DEFB110: variants seen among roughly 807,000 people sequenced by gnomAD.
DEFB110 encodes the protein defensin beta 110, also known as beta-defensin 110.
In DEFB110, 4 loss-of-function variants were observed where a neutral mutation model predicts 2.5. The observed-to-expected ratio is 1.60, with a 90% confidence interval of 0.79 to 3.66. The LOEUF (loss-of-function observed/expected upper bound fraction) is 3.66. Among genes scored for constraint, DEFB110 ranks in the 30% most tolerant of loss-of-function variants. The pLI, the probability that DEFB110 is intolerant of heterozygous loss-of-function variation, is 0.01. For missense variants in DEFB110, 94 were observed against 75.4 expected (o/e 1.25, Z -0.91); for synonymous variants, 29 against 21.8 (o/e 1.33, Z -0.92).
chr6:50,011,420 A>T (rs1280691525), intron 1 of DEFB110, among the ~76,000 whole-genome samples: 2 of 152,044 alleles, frequency 1.3e-5, no homozygotes, highest in African/African-American at 4.8e-5. Flanking sequence ...ATAAAAAGAG[A>T]CATTCAAATG....
At chr6:50,019,559 G>T (rs919277092) in intron 1 of DEFB110, among the ~76,000 whole-genome samples, 2 of 151,982 alleles carry the variant, frequency 1.3e-5, no homozygotes, top group African/African-American at 4.8e-5. Flanking sequence ...TCTCTAAAAT[G>T]TCAAGAGCTA....
downstream of DEFB110, among the ~76,000 whole-genome samples, chr6:50,016,961 T>G (rs1394423673): frequency 6.6e-6 from 1 of 151,652 alleles, no homozygotes; most frequent in East Asian, 1.9e-4. Flanking sequence ...CCTCACATGT[T>G]TTTTAGAAAA....
At chr6:50,010,284 TA>T (rs1252051354) in intron 1 of DEFB110, among the ~76,000 whole-genome samples, 2 of 151,944 alleles carry the variant, frequency 1.3e-5, no homozygotes, top group Admixed American at 1.3e-4. Context: ...AATTATGTAA[TA>T]TCTGTTAATA....
chr6:50,012,438 T>G (rs113481276), intron 1 of DEFB110, among the ~76,000 whole-genome samples: 4,973 of 152,030 alleles, frequency 0.033, 276 homozygotes, highest in African/African-American at 0.11. Context: ...ATTCATATTA[T>G]ATAATAAAAA....
At chr6:50,013,818 G>T (rs116486921) in intron 1 of DEFB110, among the ~76,000 whole-genome samples, 1 of 151,908 alleles carries the variant, frequency 6.6e-6, no homozygotes, top group Non-Finnish European at 1.5e-5. Flanking sequence ...ATTACGAAAT[G>T]ACAATGTTTT....
At position 50,009,563 on chromosome 6, in the gene DEFB110, A is replaced by G. The variant is rs577708178; in HGVS notation, c.56-292T>C. ...ACGAGAAAGTGACACACAATTTGGTACTTAATTATATGTATTTTTGTCAGA... is the reference window on the plus strand; with the variant it reads ...ACGAGAAAGTGACACACAATTTGGTGCTTAATTATATGTATTTTTGTCAGA... On this transcript the variant is annotated intron_variant, in intron 1 of 1. Coordinates refer to the DEFB110 transcript ENST00000393660. Among the ~76,000 whole-genome samples, 6 of 152,328 alleles carry G rather than the reference A, an allele frequency of 3.9e-5. No homozygotes were observed. The South Asian group carries it at 1.2e-3, about 32-fold the overall frequency.
chr6:50,017,370 T>C (rs1774336098), downstream of DEFB110, among the ~76,000 whole-genome samples: 1 of 151,862 alleles, frequency 6.6e-6, no homozygotes, highest in Non-Finnish European at 1.5e-5. Flanking sequence ...TTTGTGAGAA[T>C]GGGTGCTTGA....
At chr6:50,017,862 A>AT (rs1368471914), downstream of DEFB110, among the ~76,000 whole-genome samples, 1 of 151,886 alleles carries the variant, frequency 6.6e-6, no homozygotes, top group Non-Finnish European at 1.5e-5. Context: ...TTTTTGATTT[A>AT]CCATCTCCTT....
downstream of DEFB110, among the ~76,000 whole-genome samples, chr6:50,017,226 A>G (rs1194835537): frequency 6.6e-6 from 1 of 151,912 alleles, no homozygotes; most frequent in Admixed American, 6.6e-5. Flanking sequence ...AGCCAGCAAT[A>G]TATCACATCT....
downstream of DEFB110, among the ~76,000 whole-genome samples, chr6:50,017,050 C>A (rs967303483): frequency 6.6e-6 from 1 of 151,614 alleles, no homozygotes; most frequent in African/African-American, 2.4e-5. Flanking sequence ...CCTCTCAATT[C>A]TGATTTAGAT....
At chr6:50,018,113 A>G (rs1326082569), downstream of DEFB110, among the ~76,000 whole-genome samples, 1 of 151,982 alleles carries the variant, frequency 6.6e-6, no homozygotes, top group Non-Finnish European at 1.5e-5. Flanking sequence ...AATGGTACAG[A>G]TGCATCACTG....
chr6:50,018,152 C>G (rs1031547445), downstream of DEFB110, among the ~76,000 whole-genome samples: 4 of 151,812 alleles, frequency 2.6e-5, no homozygotes, highest in Non-Finnish European at 4.4e-5. Context: ...TACTGTGGCT[C>G]CTCAGAGGAA....
chr6:50,010,076 T>G lies in DEFB110; in HGVS notation c.56-805A>C, dbSNP rs543127959. Among the ~76,000 whole-genome samples the G allele has an allele frequency of 6.6e-5, 10 of 152,192 alleles. No individual in the cohort carries two copies. The South Asian group carries it at 1.9e-3, about 28-fold the overall frequency. On this transcript the variant is annotated intron_variant, in intron 1 of 1. Coordinates refer to the DEFB110 transcript ENST00000393660. The stretch of plus-strand genomic sequence containing the variant: ...CTTTGGAGTCAGGCATATTTTTATT[T>G]TTCAATTTTATCAATGTACTTACCT...
chr6:50,016,250 T>C (rs1178624155), downstream of DEFB110, among the ~76,000 whole-genome samples: 2 of 151,864 alleles, frequency 1.3e-5, no homozygotes, highest in Admixed American at 6.6e-5. Context: ...TTCAATATAA[T>C]GCTTTTAATT....
downstream of DEFB110, among the ~76,000 whole-genome samples, chr6:50,014,262 A>G (rs1315501963): frequency 2.0e-5 from 3 of 151,860 alleles, no homozygotes; most frequent in East Asian, 3.9e-4. Flanking sequence ...GAGCAAGAAG[A>G]GTTTCAGTTA....
At chr6:50,010,605 A>C (rs963665668) in intron 1 of DEFB110, among the ~76,000 whole-genome samples, 27 of 150,760 alleles carry the variant, frequency 1.8e-4, no homozygotes, top group African/African-American at 6.3e-4. Flanking sequence ...TGACATGTAA[A>C]TTATATATTT....
chr6:50,015,725 A>G (rs1366969592), downstream of DEFB110, among the ~76,000 whole-genome samples: 2 of 151,820 alleles, frequency 1.3e-5, no homozygotes. Context: ...AGCTCCATAA[A>G]ACCAGACAAC....
chr6:50,010,569 A>G (rs1204116146), intron 1 of DEFB110, among the ~76,000 whole-genome samples: 2 of 150,824 alleles, frequency 1.3e-5, no homozygotes, highest in Non-Finnish European at 3.0e-5. Flanking sequence ...ATATAGACAT[A>G]TATATGACAT....
At chr6:50,010,221 G>A (rs183908225) in intron 1 of DEFB110, among the ~76,000 whole-genome samples, 1 of 151,816 alleles carries the variant, frequency 6.6e-6, no homozygotes, top group African/African-American at 2.4e-5. Flanking sequence ...AAAAAATGAG[G>A]CAAAATAATT....
Sources: allele counts gnomAD v4.1 joint callset (sites outside exome capture counted in the v4.1 genomes callset), GRCh38; gene constraint gnomAD v4.1.1; transcripts MANE v1.5; gene names NCBI Gene and HGNC (gene_info 2026-07-23, HGNC 2026-07-21).